POGZ: variants seen among roughly 807,000 people sequenced by gnomAD.
POGZ encodes the protein pogo transposable element with ZNF domain.
A neutral mutation model predicts 134.6 loss-of-function variants in POGZ; 17 were observed. That is an observed-to-expected ratio of 0.13 (90% confidence interval 0.09 to 0.19). The LOEUF (loss-of-function observed/expected upper bound fraction) is 0.19. POGZ is among the 10% of genes least tolerant of loss of function. The probability of loss-of-function intolerance (pLI) is 1.00; values close to 1 mark genes in which losing one functional copy is unlikely to be tolerated. For missense variants in POGZ, 1,306 were observed against 1,769.7 expected, an observed-to-expected ratio of 0.74 and a Z score of 4.70; for synonymous variants, 693 against 657.1, an observed-to-expected ratio of 1.05 and a Z score of -0.84.
intron 1 of POGZ, among the ~76,000 whole-genome samples, chr1:151,446,755 CAAAAAAAAA>C: frequency 1.4e-5 from 1 of 70,716 alleles, no homozygotes; most frequent in African/African-American, 6.2e-5. Context: ...GACTCCATCT[CAAAAAAAAA>C]AAAAAAAAAA....
chr1:151,428,499 C>T, intron 5 of POGZ, 86 bp from the exon 6 acceptor site: 1 of 1,155,396 alleles, frequency 8.7e-7, no homozygotes, highest in Non-Finnish European at 1.3e-6. Flanking sequence ...AAGATTATTT[C>T]CCCAAACTGA....
intron 3 of POGZ, among the ~76,000 whole-genome samples, chr1:151,436,093 A>G (rs1242236902): frequency 6.6e-6 from 1 of 151,326 alleles, no homozygotes; most frequent in Non-Finnish European, 1.5e-5. Context: ...AGTAGCTGGG[A>G]TTACAGGCAC....
At chr1:151,432,935 TTTTAATC>T (rs1658939926) in intron 3 of POGZ, among the ~76,000 whole-genome samples, 1 of 152,228 alleles carries the variant, frequency 6.6e-6, no homozygotes, top group African/African-American at 2.4e-5. Flanking sequence ...GAACTAACTC[TTTTAATC>T]TATAGGTTCC....
Position 151,408,950 on chromosome 1 carries a change from T to C in POGZ, c.1927-122A>G, listed in dbSNP as rs190877914. ...ATTCTTCCCACCTTTCTGTTGATAA[T>C]TTAAGAGAGTAAGAAAGAAATATGC... On this transcript the variant is annotated intron_variant, in intron 12 of 18. Coordinates refer to ENST00000271715, the MANE Select transcript of POGZ (RefSeq NM_015100.4). 5.9e-5 allele frequency: 50 copies of C among 852,344 alleles called. No individual in the cohort carries two copies. The African/African-American group carries it at 7.2e-4, about 12-fold the overall frequency. The allele number at this position is 852,344 out of a possible 1,614,324, so 52.8% of individuals were successfully genotyped here. A position where few individuals can be genotyped will look rare whatever the true frequency, so the allele number is the denominator to read the frequency against.
intron 12 of POGZ, 149 bp downstream of exon 12, chr1:151,411,476 G>A (rs2102187625): frequency 1.7e-6 from 1 of 574,128 alleles, no homozygotes; most frequent in Non-Finnish European, 3.1e-6. Context: ...CTAGTACATG[G>A]CACATTAAGT....
chr1:151,404,519 A>G lies in POGZ; in HGVS notation c.*283T>C. On this transcript the variant is annotated 3_prime_UTR_variant, in exon 19 of 19. Transcript: ENST00000271715. The stretch of plus-strand genomic sequence containing the variant: ...ATTTTGTCAGAAAAATACCAAACAC[A>G]GTGATTTAAATTTAAAAAAAAAAAA... 2 of 1,098,684 alleles carry G rather than the reference A, an allele frequency of 1.8e-6. No individual in the cohort carries two copies. The highest frequency in any genetic ancestry group is 2.2e-6 in the Non-Finnish European group (2 of 902,398). The allele number at this position is 1,098,684 out of a possible 1,614,324, so 68.1% of individuals were successfully genotyped here. A position where few individuals can be genotyped will look rare whatever the true frequency, so the allele number is the denominator to read the frequency against.
Position 151,405,262 on chromosome 1 carries a change from C to G in POGZ, c.3773G>C (p.Ser1258Thr). The G allele has an allele frequency of 5.6e-6, 9 of 1,614,164 alleles. No individual in the cohort carries two copies. Among genetic ancestry groups the G allele is most frequent in the Non-Finnish European group, 7.6e-6 (9 of 1,180,006 alleles). The change falls in exon 19 of 19, where the codon AGC becomes ACC. Residue 1258 changes from serine (S) to threonine (T), a missense_variant. Ser to Thr is a moderately conservative substitution (Grantham distance 58, BLOSUM62 1). Coordinates refer to ENST00000271715, the MANE Select transcript of POGZ (RefSeq NM_015100.4). The surrounding 1 kb of genome is among the most constrained non-coding windows in gnomAD (Gnocchi z 4.9). ...TLPAVVPAGCSSKIQPLDVCI... is the reference protein window; with the variant it reads ...TLPAVVPAGCTSKIQPLDVCI... ...TACATCTAATGGCTGAATTTTGGAG[C>G]TACAGCCTGCTGGGACCACTGCAGG...
At chr1:151,434,319 T>G (rs1182429043) in intron 3 of POGZ, among the ~76,000 whole-genome samples, 3 of 151,290 alleles carry the variant, frequency 2.0e-5, no homozygotes, top group African/African-American at 7.3e-5. Context: ...AAATAAAAAA[T>G]GAAAAATAGC....
At chr1:151,408,380 C>T in intron 14 of POGZ, 29 bp downstream of exon 14, 1 of 1,569,826 alleles carries the variant, frequency 6.4e-7, no homozygotes, top group Non-Finnish European at 8.6e-7. Flanking sequence ...CAGTCCCCAC[C>T]CGCCCAGCAC....
In POGZ at chr1:151,408,806, T is replaced by G. The variant is rs926360198; in HGVS notation, c.1949A>C (p.Asn650Thr). Residue 650 changes from asparagine (N) to threonine (T), a missense_variant, in exon 13 of 19, where the codon AAC (asparagine) becomes ACC (threonine). Transcript: ENST00000271715. ...RHQKRNVYHC[N>T]KCRLQFLFAK... is the part of the protein sequence containing the mutation. The stretch of plus-strand genomic sequence containing the variant: ...AAAGAGAAACTGCAGCCGGCATTTG[T>G]TGCAGTGATAAACATTTCTCTTCTG... 6.2e-7 allele frequency: 1 copy of G among 1,613,684 alleles called. No individual in the cohort carries two copies. Among genetic ancestry groups the G allele is most frequent in the Non-Finnish European group, 8.5e-7 (1 of 1,179,904 alleles).
intron 1 of POGZ, among the ~76,000 whole-genome samples, chr1:151,452,223 AT>A (rs1193637483): frequency 6.6e-6 from 1 of 151,936 alleles, no homozygotes; most frequent in Non-Finnish European, 1.5e-5. Flanking sequence ...CCTCTAAAAA[AT>A]TTTTAAACAG....
rs1220953869 is a variant in POGZ, at chr1:151,404,744, C to T, written c.*58G>A. ...GGTATGCCCCCTTTTCCCTAAGCCC[C>T]TTTACCCTCCCTCACATGTTCCCAC... On this transcript the variant is annotated 3_prime_UTR_variant, in exon 19 of 19. Transcript: ENST00000271715. 2.6e-6 allele frequency: 4 copies of T among 1,521,996 alleles called. No homozygotes were observed. Among genetic ancestry groups the T allele is most frequent in the African/African-American group, 2.8e-5 (2 of 71,970 alleles). The allele number at this position is 1,521,996 out of a possible 1,614,324, so 94.3% of individuals were successfully genotyped here. A position where few individuals can be genotyped will look rare whatever the true frequency, so the allele number is the denominator to read the frequency against.
At chr1:151,455,903 T>TC in intron 1 of POGZ, among the ~76,000 whole-genome samples, 1 of 148,562 alleles carries the variant, frequency 6.7e-6, no homozygotes, top group East Asian at 1.9e-4. Context: ...TCTTTTTTTT[T>TC]TTTTTTTTTT....
chr1:151,430,872 A>C, intron 3 of POGZ, 31 bp from the exon 4 acceptor site: 1 of 1,457,270 alleles, frequency 6.9e-7, no homozygotes, highest in Non-Finnish European at 9.2e-7. Context: ...AAAAAAAAGG[A>C]ATGTTAGAAA....
In POGZ at chr1:151,456,222, A is replaced by T. The variant is rs577001402; in HGVS notation, c.-2+2930T>A. On this transcript the variant is annotated intron_variant, in intron 1 of 18. Coordinates refer to ENST00000271715, the MANE Select transcript of POGZ (RefSeq NM_015100.4). Reference sequence around the variant, plus strand: ...AGCCTAGATTTACTGAGTTATGCCCATCTTCCAAATAACATATTTCATTAA... The same window carrying T: ...AGCCTAGATTTACTGAGTTATGCCCTTCTTCCAAATAACATATTTCATTAA... Among the ~76,000 whole-genome samples the T allele has an allele frequency of 2.0e-5, 3 of 152,314 alleles. No homozygotes were observed. The South Asian group carries it at 6.2e-4, about 32-fold the overall frequency.
intron 10 of POGZ, among the ~76,000 whole-genome samples, chr1:151,419,809 A>G (rs1194661745): frequency 1.3e-5 from 2 of 152,080 alleles, no homozygotes; most frequent in African/African-American, 4.8e-5. Flanking sequence ...AAATCTTGTC[A>G]TAAGAGACTC....
Position 151,403,905 on chromosome 1 carries a change from C to T in POGZ, c.*897G>A. On this transcript the variant is annotated 3_prime_UTR_variant, in exon 19 of 19. Coordinates refer to ENST00000271715, the MANE Select transcript of POGZ (RefSeq NM_015100.4). ...GAAGACTCAAACTGGGAATGGCTTC[C>T]ACCCTAAAACTGTTTGATCGCTTCA... The T allele has an allele frequency of 2.0e-6, 2 of 985,426 alleles. No individual in the cohort carries two copies. The highest frequency in any genetic ancestry group is 1.2e-6 in the Non-Finnish European group (1 of 829,876). 61.0% of individuals were successfully genotyped at this position (985,426 alleles called of 1,614,324 possible). A position where few individuals can be genotyped will look rare whatever the true frequency, so the allele number is the denominator to read the frequency against.
intron 3 of POGZ, among the ~76,000 whole-genome samples, 159 bp from the exon 4 acceptor site, chr1:151,431,000 G>A (rs903070489): frequency 6.6e-6 from 1 of 152,068 alleles, no homozygotes; most frequent in Middle Eastern, 3.4e-3. Context: ...CAGTGGCACA[G>A]TCACGGCTCA....
chr1:151,428,659 C>T (rs886520404), intron 5 of POGZ, among the ~76,000 whole-genome samples: 2 of 152,126 alleles, frequency 1.3e-5, no homozygotes, highest in African/African-American at 2.4e-5. Flanking sequence ...CCTTATCACA[C>T]TGCCTTTTTA....
Sources: gnomAD v4.1 joint callset for allele counts (sites outside exome capture counted in the v4.1 genomes callset) on GRCh38, gnomAD v4.1.1 for gene constraint, Gnocchi (gnomAD v3.1) non-coding constraint, MANE v1.5 for transcripts, NCBI Gene and HGNC (gene_info 2026-07-23, HGNC 2026-07-21) for gene names.